The following WWP2 variants were observed in gnomAD, a reference collection of about 807,000 sequenced individuals.
WWP2 encodes NEDD4-like E3 ubiquitin-protein ligase WWP2.
A neutral mutation model predicts 121.0 loss-of-function variants in WWP2; 57 were observed. The observed-to-expected ratio is 0.47, with a 90% confidence interval of 0.38 to 0.59. The LOEUF (loss-of-function observed/expected upper bound fraction) is 0.59, where lower values mean the gene tolerates loss of function less well. WWP2 is among the 20% of genes least tolerant of loss of function. The probability of loss-of-function intolerance (pLI) is 0.00; values close to 1 mark genes in which losing one functional copy is unlikely to be tolerated. For missense variants in WWP2, 962 were observed against 1,158.9 expected, an observed-to-expected ratio of 0.83 and a Z score of 2.47; for synonymous variants, 449 against 441.3, an observed-to-expected ratio of 1.02 and a Z score of -0.22.
intron 10 of WWP2, among the ~76,000 whole-genome samples, chr16:69,924,246 G>A (rs1259461645): frequency 1.3e-5 from 2 of 152,098 alleles, no homozygotes; most frequent in African/African-American, 4.8e-5. Flanking sequence ...TGTGGAAGGG[G>A]GCTTGCTGGC....
At chr16:69,857,875 G>C (rs1165420230) in intron 6 of WWP2, among the ~76,000 whole-genome samples, 2 of 151,830 alleles carry the variant, frequency 1.3e-5, no homozygotes, top group Non-Finnish European at 2.9e-5. Context: ...GTGTTGCCTA[G>C]TCTGGTCTTG....
intron 6 of WWP2, among the ~76,000 whole-genome samples, chr16:69,853,470 C>CA (rs1211147424): frequency 2.6e-5 from 4 of 152,302 alleles, no homozygotes; most frequent in Non-Finnish European, 5.9e-5. Context: ...TTCTGCTTTC[C>CA]AACCTTTCTG....
chr16:69,940,364 A>G lies in WWP2; in HGVS notation c.*424A>G. On this transcript the variant is annotated 3_prime_UTR_variant, in exon 24 of 24. Coordinates refer to ENST00000359154, the MANE Select transcript of WWP2 (RefSeq NM_001270454.2). ...GTGGCTGTTCGGGACTGAGAGCGCC[A>G]AGGGTCTTTGCCAGCAAAGGAGGTT... 1 of 170,862 alleles carries G rather than the reference A, an allele frequency of 5.9e-6. No individual in the cohort carries two copies. The highest frequency in any genetic ancestry group is 1.3e-5 in the Non-Finnish European group (1 of 79,148). The allele number at this position is 170,862 out of a possible 1,614,324, so 10.6% of individuals were successfully genotyped here.
At chr16:69,816,047 GACAGCT>G (rs2056483616) in intron 4 of WWP2, among the ~76,000 whole-genome samples, 1 of 152,082 alleles carries the variant, frequency 6.6e-6, no homozygotes, top group African/African-American at 2.4e-5. Flanking sequence ...AAAAGTAAAA[GACAGCT>G]ACAGACCCTG....
At chr16:69,806,516 A>C (rs566710941) in intron 4 of WWP2, among the ~76,000 whole-genome samples, 1 of 152,198 alleles carries the variant, frequency 6.6e-6, no homozygotes, top group African/African-American at 2.4e-5. Context: ...GAGCTCACCC[A>C]TAAAACCAAC....
chr16:69,839,677 A>G (rs1201364001), intron 4 of WWP2, among the ~76,000 whole-genome samples: 2 of 152,266 alleles, frequency 1.3e-5, no homozygotes, highest in Non-Finnish European at 2.9e-5. Flanking sequence ...TAACACAAAT[A>G]AGAAAAGAAT....
intron 9 of WWP2, among the ~76,000 whole-genome samples, chr16:69,916,036 CAAA>C (rs11337802): frequency 7.3e-6 from 1 of 136,736 alleles, no homozygotes. Context: ...GAGACCCTGT[CAAA>C]AAAAAAAAAA....
At chr16:69,813,117 G>A (rs1186286268) in intron 4 of WWP2, among the ~76,000 whole-genome samples, 1 of 151,668 alleles carries the variant, frequency 6.6e-6, no homozygotes, top group African/African-American at 2.4e-5. Context: ...TTCTACTCAT[G>A]GATTCAGATT....
Position 69,788,500 on chromosome 16 carries a change from A to G in WWP2, c.70+1420A>G, listed in dbSNP as rs147330970. On this transcript the variant is annotated intron_variant, in intron 2 of 23. Coordinates refer to ENST00000359154, the MANE Select transcript of WWP2 (RefSeq NM_001270454.2). ...CCCCAGCCTCCTTGCTCTTCAGTGA[A>G]TACACTGGGCAGGCGTCTGCCTCTG... is the stretch of plus-strand genomic sequence containing the variant. Among the ~76,000 whole-genome samples the G allele has an allele frequency of 6.1e-4, 93 of 152,226 alleles. No individual in the cohort carries two copies. The East Asian group carries it at 0.013, about 21-fold the overall frequency.
At chr16:69,911,926 C>G (rs901683937) in intron 9 of WWP2, among the ~76,000 whole-genome samples, 1 of 152,070 alleles carries the variant, frequency 6.6e-6, no homozygotes, top group Non-Finnish European at 1.5e-5. Context: ...ACCAGGAAGC[C>G]GGCTGATGTG....
intron 1 of WWP2, among the ~76,000 whole-genome samples, chr16:69,763,648 A>T (rs2038665428): frequency 6.6e-6 from 1 of 152,214 alleles, no homozygotes; most frequent in Non-Finnish European, 1.5e-5. Flanking sequence ...GAACAAACAG[A>T]CTTACGAGAG....
At chr16:69,803,100 C>G (rs1481816153) in intron 4 of WWP2, among the ~76,000 whole-genome samples, 1 of 150,780 alleles carries the variant, frequency 6.6e-6, no homozygotes, top group African/African-American at 2.4e-5. Flanking sequence ...AAAAAAAAAG[C>G]CTTTTTTTTT....
chr16:69,889,100 G>T (rs2057979827), intron 8 of WWP2, among the ~76,000 whole-genome samples: 1 of 152,122 alleles, frequency 6.6e-6, no homozygotes, highest in South Asian at 2.1e-4. Flanking sequence ...GATCACTTGA[G>T]GCCAGGAGTT....
intron 6 of WWP2, among the ~76,000 whole-genome samples, chr16:69,845,299 C>G (rs181810692): frequency 4.6e-5 from 7 of 152,184 alleles, no homozygotes; most frequent in African/African-American, 1.7e-4. Context: ...TGCCTACCCC[C>G]CTTCCCTGCT....
chr16:69,778,438 G>T (rs2055587808), intron 1 of WWP2, among the ~76,000 whole-genome samples: 1 of 152,042 alleles, frequency 6.6e-6, no homozygotes, highest in Non-Finnish European at 1.5e-5. Flanking sequence ...TAGCAGGGGA[G>T]AAATTACTTG....
chr16:69,799,837 C>T lies in WWP2; in HGVS notation c.340+542C>T, dbSNP rs757989650. On this transcript the variant is annotated intron_variant, in intron 4 of 23. Transcript: ENST00000359154. This position sits in a 1 kb window ranked among gnomAD's most constrained non-coding sequence, Gnocchi z 4.5. The stretch of plus-strand genomic sequence containing the variant: ...TGGACGCGCCATCTGAATTAGCCAA[C>T]GTGCCTCTACGTCACGGACATATAA... Among the ~76,000 whole-genome samples the T allele has an allele frequency of 9.9e-5, 15 of 152,160 alleles. No individual in the cohort carries two copies. Among genetic ancestry groups the T allele is most frequent in the African/African-American group, 2.4e-4 (10 of 41,436 alleles).
intron 8 of WWP2, among the ~76,000 whole-genome samples, chr16:69,902,906 GC>G (rs1459414160): frequency 1.3e-5 from 2 of 152,178 alleles, no homozygotes; most frequent in African/African-American, 2.4e-5. Context: ...ATTATGAATA[GC>G]CATGCAGGTG....
In WWP2 at chr16:69,790,073, C is replaced by T. The variant is rs149948842; in HGVS notation, c.70+2993C>T. Among the ~76,000 whole-genome samples the T allele has an allele frequency of 5.0e-4, 76 of 152,166 alleles. 1 individual carries two copies. The East Asian group carries it at 0.014, about 28-fold the overall frequency. ...GCCTGGCCAATGTGGTAAAACCCTG[C>T]CTCTACTAAAAATACACAAAAAAAT... On this transcript the variant is annotated intron_variant, in intron 2 of 23. Coordinates refer to ENST00000359154, the MANE Select transcript of WWP2 (RefSeq NM_001270454.2).
At chr16:69,909,695 C>A in intron 9 of WWP2, 1 of 985,116 alleles carries the variant, frequency 1.0e-6, no homozygotes. Context: ...TAAACATGGA[C>A]TTCTCAAATT....
Sources: allele counts gnomAD v4.1 joint callset (sites outside exome capture counted in the v4.1 genomes callset), GRCh38; gene constraint gnomAD v4.1.1; non-coding constraint Gnocchi (gnomAD v3.1); transcripts MANE v1.5; gene names NCBI Gene and HGNC (gene_info 2026-07-23, HGNC 2026-07-21).